MEMO1: variants seen among roughly 807,000 people sequenced by gnomAD.
The protein encoded by MEMO1 is protein MEMO1.
MEMO1 carries 6 observed loss-of-function variants against 45.2 expected under a neutral mutation model. The observed-to-expected ratio is 0.13, with a 90% CI of 0.07 to 0.26. The LOEUF (loss-of-function observed/expected upper bound fraction) is 0.26. MEMO1 is among the 10% of genes least tolerant of loss of function. MEMO1 has a pLI of 1.00. For missense variants in MEMO1, 184 were observed against 370.5 expected (o/e 0.50, Z 4.13); for synonymous variants, 78 against 124.3 (o/e 0.63, Z 2.48).
Position 31,871,672 on chromosome 2 carries a change from C to A in MEMO1, c.658-1720G>T, listed in dbSNP as rs370394139. ...CACAGGACTTCCAGGTCAACACTCT[C>A]CACCGACACTTGGTATATAAGCTCA... On this transcript the variant is annotated intron_variant, in intron 8 of 9. Transcript: ENST00000404530. 2.6e-5 allele frequency among the ~76,000 whole-genome samples: 4 copies of A among 152,092 alleles called. No homozygotes were observed. The East Asian group carries it at 5.8e-4, about 22-fold the overall frequency.
intron 2 of MEMO1, among the ~76,000 whole-genome samples, chr2:32,007,783 T>C (rs1320339283): frequency 1.3e-5 from 2 of 152,224 alleles, no homozygotes; most frequent in African/African-American, 4.8e-5. Context: ...TCAATGTAGG[T>C]ACACTGACAA....
chr2:31,885,810 C>A (rs920050513), intron 7 of MEMO1, among the ~76,000 whole-genome samples: 1 of 152,160 alleles, frequency 6.6e-6, no homozygotes, highest in Non-Finnish European at 1.5e-5. Flanking sequence ...CAGAGAAAAA[C>A]GCATATACTA....
chr2:31,991,031 A>G (rs994391059), intron 2 of MEMO1, among the ~76,000 whole-genome samples: 4 of 152,192 alleles, frequency 2.6e-5, no homozygotes, highest in Non-Finnish European at 5.9e-5. Context: ...TTATAATATG[A>G]AAAGATCTTC....
chr2:31,978,670 T>C (rs1670293303), intron 2 of MEMO1, among the ~76,000 whole-genome samples: 1 of 152,228 alleles, frequency 6.6e-6, no homozygotes, highest in Non-Finnish European at 1.5e-5. Context: ...TCCTCTCACC[T>C]TGGCCTTCCA....
In MEMO1 at chr2:31,965,140, G is replaced by A. The variant is rs138058609; in HGVS notation, c.62-21757C>T. 5.3e-5 allele frequency among the ~76,000 whole-genome samples: 8 copies of A among 152,058 alleles called. No individual in the cohort carries two copies. In the East Asian group the frequency reaches 1.2e-3, roughly 22 times the overall value. On this transcript the variant is annotated intron_variant, in intron 2 of 9. Transcript: ENST00000404530. The stretch of plus-strand genomic sequence containing the variant: ...AGGCAGGAGAATCGCTTGAACCGGA[G>A]AGGCAGAGGTTATAGTGAGCCAGGA...
intron 2 of MEMO1, among the ~76,000 whole-genome samples, chr2:31,965,989 A>T (rs1294705464): frequency 6.6e-5 from 10 of 152,338 alleles, no homozygotes; most frequent in East Asian, 1.9e-4. Flanking sequence ...TAAAATTTTT[A>T]AAATGAGGAT....
intron 2 of MEMO1, among the ~76,000 whole-genome samples, chr2:31,986,534 A>G (rs904050155): frequency 1.3e-5 from 2 of 152,196 alleles, no homozygotes; most frequent in African/African-American, 4.8e-5. Context: ...TGTAACCAAA[A>G]TAATTTTCTT....
rs950145914 is a variant in MEMO1, at chr2:31,868,635, G to A, written c.763-143C>T. ...TTTTGTTTCTTGAATTTCTCTTGTTGCATCATATTAAAATAGAAAAAAAAG... is the reference window on the plus strand; with the variant it reads ...TTTTGTTTCTTGAATTTCTCTTGTTACATCATATTAAAATAGAAAAAAAAG... On this transcript the variant is annotated intron_variant, in intron 9 of 9. Coordinates refer to ENST00000404530, the MANE Select transcript of MEMO1 (RefSeq NM_001301833.4). 5.7e-6 allele frequency: 4 copies of A among 702,882 alleles called. No individual in the cohort carries two copies. In the African/African-American group the frequency reaches 7.5e-5, roughly 13 times the overall value. 43.5% of individuals were successfully genotyped at this position (702,882 alleles called of 1,614,324 possible).
chr2:31,894,763 G>T (rs968122953), intron 6 of MEMO1, among the ~76,000 whole-genome samples: 2 of 152,134 alleles, frequency 1.3e-5, no homozygotes, highest in African/African-American at 4.8e-5. Context: ...ATAATAAAAA[G>T]TAAAAGAAAC....
intron 2 of MEMO1, among the ~76,000 whole-genome samples, chr2:31,966,189 G>C (rs1668591483): frequency 2.0e-5 from 3 of 152,108 alleles, no homozygotes; most frequent in Admixed American, 6.5e-5. Flanking sequence ...AATGCAGTTA[G>C]CGCCTCTTTC....
intron 4 of MEMO1, among the ~76,000 whole-genome samples, chr2:31,928,552 A>G (rs867766568): frequency 0.011 from 1,683 of 151,342 alleles, 39 homozygotes; most frequent in African/African-American, 0.038. Context: ...ATCTCAAAAA[A>G]AAAAAAAAAA....
At chr2:31,985,924 T>G (rs546201495) in intron 2 of MEMO1, among the ~76,000 whole-genome samples, 4 of 151,242 alleles carry the variant, frequency 2.6e-5, no homozygotes, top group Admixed American at 2.6e-4. Context: ...AGGCCAGGAG[T>G]TCAAGACCAG....
chr2:31,965,289 G>A (rs1052559096), intron 2 of MEMO1, among the ~76,000 whole-genome samples: 1 of 151,372 alleles, frequency 6.6e-6, no homozygotes, highest in Admixed American at 6.6e-5. Flanking sequence ...GAAGGGAAGG[G>A]AAGAAGGGAA....
intron 8 of MEMO1, among the ~76,000 whole-genome samples, chr2:31,870,890 C>T (rs554341766): frequency 6.6e-6 from 1 of 152,112 alleles, no homozygotes; most frequent in African/African-American, 2.4e-5. Context: ...CAACACAGGT[C>T]TCTTATGAAC....
At chr2:31,972,805 TCAA>T (rs992198503) in intron 2 of MEMO1, among the ~76,000 whole-genome samples, 15 of 152,150 alleles carry the variant, frequency 9.9e-5, no homozygotes, top group African/African-American at 3.6e-4. Flanking sequence ...CTCTTACAAC[TCAA>T]CAACAAAAGA....
At chr2:31,902,010 T>G (rs909989204) in intron 6 of MEMO1, among the ~76,000 whole-genome samples, 1 of 151,980 alleles carries the variant, frequency 6.6e-6, no homozygotes, top group Non-Finnish European at 1.5e-5. Flanking sequence ...CTGTAGCAGA[T>G]GCTTGTAAGT....
chr2:31,980,092 T>C (rs1413457924), intron 2 of MEMO1, among the ~76,000 whole-genome samples: 2 of 151,970 alleles, frequency 1.3e-5, no homozygotes, highest in Admixed American at 6.6e-5. Flanking sequence ...GAACGGAAAC[T>C]AATGACTAAA....
At chr2:31,896,043 C>G (rs1398066867) in intron 6 of MEMO1, among the ~76,000 whole-genome samples, 2 of 151,772 alleles carry the variant, frequency 1.3e-5, no homozygotes, top group Non-Finnish European at 2.9e-5. Context: ...CGGGGTTTCA[C>G]CGTGTTAGCC....
At chr2:31,997,473 G>A (rs1672748079) in intron 2 of MEMO1, among the ~76,000 whole-genome samples, 1 of 152,132 alleles carries the variant, frequency 6.6e-6, no homozygotes, top group Non-Finnish European at 1.5e-5. Flanking sequence ...TGCTTAATCT[G>A]TATTCCTTAC....
Sources: allele counts gnomAD v4.1 joint callset (sites outside exome capture counted in the v4.1 genomes callset), GRCh38; gene constraint gnomAD v4.1.1; transcripts MANE v1.5; gene names NCBI Gene and HGNC (gene_info 2026-07-23, HGNC 2026-07-21).